Variants in DAPK2 observed in about 807,000 individuals in gnomAD.
DAPK2 encodes the protein death-associated protein kinase 2.
In DAPK2, 35 loss-of-function variants were observed where a neutral mutation model predicts 44.1. The ratio of observed to expected loss-of-function variants is 0.79; its 90% CI spans 0.61 to 1.05. DAPK2 has a LOEUF of 1.05. Ranked by LOEUF, DAPK2 falls within the 50% of genes least tolerant of loss-of-function variation. The probability of loss-of-function intolerance (pLI) is 0.00; values close to 1 mark genes in which losing one functional copy is unlikely to be tolerated. For synonymous variants in DAPK2, 174 were observed against 182.6 expected (o/e 0.95, Z 0.38); for missense variants, 453 against 483.2 (o/e 0.94, Z 0.59).
intron 1 of DAPK2, among the ~76,000 whole-genome samples, chr15:64,039,165 C>T (rs2080290278): frequency 6.6e-6 from 1 of 152,212 alleles, no homozygotes; most frequent in African/African-American, 2.4e-5. Flanking sequence ...CATGCGTCCT[C>T]AATCTTGACA....
intron 3 of DAPK2, among the ~76,000 whole-genome samples, chr15:63,957,389 G>T (rs1048948804): frequency 3.3e-5 from 5 of 151,856 alleles, no homozygotes; most frequent in Non-Finnish European, 4.4e-5. Flanking sequence ...TAAGTTCTAG[G>T]GTACATGGGC....
chr15:64,006,206 TTC>T (rs2079226169), intron 1 of DAPK2, among the ~76,000 whole-genome samples: 1 of 151,976 alleles, frequency 6.6e-6, no homozygotes, highest in South Asian at 2.1e-4. Context: ...CCATCCAGCT[TTC>T]CCAGACCAAC....
chr15:64,039,141 G>A (rs2080289220), intron 1 of DAPK2, among the ~76,000 whole-genome samples: 1 of 152,206 alleles, frequency 6.6e-6, no homozygotes, highest in South Asian at 2.1e-4. Context: ...CACAGGTCCT[G>A]AGGCTGTCAT....
intron 3 of DAPK2, among the ~76,000 whole-genome samples, chr15:63,963,227 C>T (rs568554136): frequency 8.9e-4 from 136 of 152,176 alleles, no homozygotes; most frequent in African/African-American, 3.0e-3. Context: ...GGGAGTGTCC[C>T]GATTTTCCAG....
chr15:63,925,916 A>T (rs2140336008), intron 7 of DAPK2, 25 bp downstream of exon 8: 1 of 1,613,814 alleles, frequency 6.2e-7, no homozygotes. Context: ...TACCTGAGAA[A>T]CCAGTGGCTT....
upstream of DAPK2, among the ~76,000 whole-genome samples, chr15:64,043,740 C>A (rs2080397914): frequency 6.6e-6 from 1 of 152,180 alleles, no homozygotes; most frequent in South Asian, 2.1e-4. Context: ...TAATGTGAGA[C>A]AAATGAGATA....
chr15:64,036,309 G>GTATATATATATATATATATA (rs1175432400), intron 1 of DAPK2, among the ~76,000 whole-genome samples: 1 of 60,524 alleles, frequency 1.7e-5, no homozygotes, highest in Non-Finnish European at 4.0e-5. Context: ...GTGTGTGTGT[G>GTATATATATATATATATATA]TATATATATG....
intron 1 of DAPK2, among the ~76,000 whole-genome samples, chr15:64,038,094 T>C (rs1228818254): frequency 6.6e-6 from 1 of 152,192 alleles, no homozygotes; most frequent in African/African-American, 2.4e-5. Context: ...GAAGGAATTA[T>C]AAATGCAATC....
chr15:64,034,842 C>T (rs2141172258), intron 1 of DAPK2, among the ~76,000 whole-genome samples: 1 of 152,270 alleles, frequency 6.6e-6, no homozygotes, highest in Middle Eastern at 3.4e-3. Flanking sequence ...TCAACAGAAA[C>T]ATCTTATGAT....
Position 63,923,189 on chromosome 15 carries a change from T to C in DAPK2, c.858+1627A>G. On this transcript the variant is annotated intron_variant, in intron 8 of 10. Coordinates refer to ENST00000261891, the Ensembl canonical transcript of DAPK2. This position sits in a 1 kb window ranked among gnomAD's most constrained non-coding sequence, Gnocchi z 4.2. ...GCATCCCAGGTCGACCCGAGCCACGTCTTCCACCACACAGGCAAAACGCTC... is the reference window on the plus strand; with the variant it reads ...GCATCCCAGGTCGACCCGAGCCACGCCTTCCACCACACAGGCAAAACGCTC... 1.3e-6 allele frequency: 2 copies of C among 1,535,868 alleles called. No individual in the cohort carries two copies. Among genetic ancestry groups the C allele is most frequent in the South Asian group, 1.2e-5 (1 of 84,050 alleles).
chr15:63,965,550 T>C (rs2078031039), intron 3 of DAPK2, among the ~76,000 whole-genome samples: 1 of 152,212 alleles, frequency 6.6e-6, no homozygotes, highest in Non-Finnish European at 1.5e-5. Flanking sequence ...GGTGGTGAGC[T>C]TCCCCCCCTT....
At chr15:64,002,916 CTGTGTGTGTGTG>C (rs3056849) in intron 1 of DAPK2, among the ~76,000 whole-genome samples, 877 of 86,094 alleles carry the variant, frequency 0.01, 6 homozygotes, top group South Asian at 0.031. Context: ...GACTGAGACA[CTGTGTGTGTGTG>C]TGTGTGTGTG....
chr15:63,951,826 T>C (rs2077596142), intron 3 of DAPK2, among the ~76,000 whole-genome samples: 1 of 152,252 alleles, frequency 6.6e-6, no homozygotes, highest in African/African-American at 2.4e-5. Context: ...TGCCTGGTTT[T>C]CACTAACGCA....
rs1250315670 is a variant in DAPK2, at chr15:63,917,993, C to G, written c.859-5796G>C. 1 of 152,202 alleles carries G rather than the reference C, an allele frequency of 6.6e-6. No homozygotes were observed. The highest frequency in any genetic ancestry group is 2.4e-5 in the African/African-American group (1 of 41,436). 9.4% of individuals were successfully genotyped at this position (152,202 alleles called of 1,614,324 possible). A position where few individuals can be genotyped will look rare whatever the true frequency, so the allele number is the denominator to read the frequency against. ...ATCTTGTCCTTGTCTGTCACCTCCC[C>G]CTGAGCCAGAGCACAATCAGTGTTT... On this transcript the variant is annotated intron_variant, in intron 8 of 10. Coordinates refer to ENST00000261891, the Ensembl canonical transcript of DAPK2. The surrounding 1 kb of genome is among the most constrained non-coding windows in gnomAD (Gnocchi z 4.4).
chr15:63,952,274 G>A (rs1335202545), intron 3 of DAPK2, among the ~76,000 whole-genome samples: 2 of 152,148 alleles, frequency 1.3e-5, no homozygotes, highest in African/African-American at 2.4e-5. Context: ...AAAGAACAAC[G>A]GAAGCAGAAA....
At chr15:64,001,070 G>A (rs1050373856) in intron 1 of DAPK2, among the ~76,000 whole-genome samples, 1 of 152,052 alleles carries the variant, frequency 6.6e-6, no homozygotes, top group Admixed American at 6.6e-5. Context: ...AGTAGAGACA[G>A]GGTTTCACCA....
chr15:63,914,719 C>T lies in DAPK2; in HGVS notation c.859-2522G>A, dbSNP rs536230487. Among the ~76,000 whole-genome samples, 7 of 152,306 alleles carry T rather than the reference C, an allele frequency of 4.6e-5. No individual in the cohort carries two copies. In the South Asian group the frequency reaches 1.4e-3, roughly 32 times the overall value. ...CCATTTGGCTCCCATCGCACAGGTC[C>T]ACTTGCTGGTCTGTGAATCCAAAGT... is the stretch of plus-strand genomic sequence containing the variant. On this transcript the variant is annotated intron_variant, in intron 8 of 10. Transcript: ENST00000261891.
chr15:63,986,867 C>G (rs2078681579), intron 1 of DAPK2, among the ~76,000 whole-genome samples: 1 of 108,472 alleles, frequency 9.2e-6, no homozygotes, highest in South Asian at 2.7e-4. Flanking sequence ...TGACTTACAA[C>G]AGCTTTCTGA....
At position 63,975,750 on chromosome 15, in the gene DAPK2, C is replaced by A. The variant is rs115755076; in HGVS notation, c.315-4189G>T. 2.6e-3 allele frequency among the ~76,000 whole-genome samples: 395 copies of A among 152,238 alleles called. 1 individual carries two copies. Among genetic ancestry groups the A allele is most frequent in the African/African-American group, 8.8e-3 (366 of 41,530 alleles). Reference sequence around the variant, plus strand: ...AGTAGCTGAGGTTACAGGCACATGCCGCTACGCCCAGCTAATTTTTGTATT... The same window carrying A: ...AGTAGCTGAGGTTACAGGCACATGCAGCTACGCCCAGCTAATTTTTGTATT... On this transcript the variant is annotated intron_variant, in intron 2 of 10. Coordinates refer to ENST00000261891, the Ensembl canonical transcript of DAPK2.
Sources: allele counts gnomAD v4.1 joint callset (sites outside exome capture counted in the v4.1 genomes callset), GRCh38; gene constraint gnomAD v4.1.1; non-coding constraint Gnocchi (gnomAD v3.1); transcripts MANE v1.5; gene names NCBI Gene and HGNC (gene_info 2026-07-23, HGNC 2026-07-21).